Variants in OGFOD1 observed in about 807,000 individuals in gnomAD.
OGFOD1 encodes 2-oxoglutarate and iron dependent oxygenase domain containing 1, also known as prolyl 3-hydroxylase OGFOD1.
A neutral mutation model predicts 67.7 loss-of-function variants in OGFOD1; 54 were observed. That is an observed-to-expected ratio of 0.80 (90% CI 0.64 to 1.00). The LOEUF is 1.00. OGFOD1 is among the 50% of genes least tolerant of loss of function. The pLI, the probability that OGFOD1 is intolerant of heterozygous loss-of-function variation, is 0.00. For synonymous variants in OGFOD1, 221 were observed against 227.0 expected (o/e 0.97, Z 0.24); for missense variants, 606 against 646.7 (o/e 0.94, Z 0.68).
intron 4 of OGFOD1, 160 bp from the exon 5 acceptor site, chr16:56,465,992 T>C: frequency 3.5e-6 from 2 of 568,708 alleles, no homozygotes; most frequent in East Asian, 5.8e-5. Context: ...TTTGTTTACT[T>C]ATAAAAGAGG....
rs565857294 is a variant in OGFOD1 at position 56,471,199 on chromosome 16, A to C, written c.1285+408A>C. ...AAACCCCGTCTCTACTAAAAATACA[A>C]AAAAAAAAAAAAATTTGCCAGGCAT... On this transcript the variant is annotated intron_variant, in intron 10 of 12. Transcript: ENST00000566157. 1.5e-3 allele frequency among the ~76,000 whole-genome samples: 219 copies of C among 147,006 alleles called. 1 individual carries two copies. Among genetic ancestry groups the C allele is most frequent in the African/African-American group, 4.8e-3 (194 of 40,476 alleles).
At chr16:56,456,580 C>G (rs1194794452) in intron 2 of OGFOD1, among the ~76,000 whole-genome samples, 2 of 152,228 alleles carry the variant, frequency 1.3e-5, no homozygotes, top group Non-Finnish European at 2.9e-5. Flanking sequence ...ACTCTGCTAT[C>G]TCTACCTTCA....
At position 56,467,958 on chromosome 16, in the gene OGFOD1, A is replaced by G; in HGVS notation, c.840A>G (p.Gln280=). Residue 280 remains glutamine (Q), a synonymous_variant, in exon 8 of 13, where the codon CAA becomes CAG. Transcript: ENST00000566157. ...INPTYLDMDY[Q]VQIQEEFEES... ...CTACTTATCTGGACATGGATTACCA[A>G]GTTCAAATTCAAGAAGAGTTTGAAG... is the stretch of plus-strand genomic sequence containing the variant. 6.2e-7 allele frequency: 1 copy of G among 1,610,180 alleles called. No homozygotes were observed. The highest frequency in any genetic ancestry group is 8.5e-7 in the Non-Finnish European group (1 of 1,176,426).
chr16:56,475,440 A>AG, intron 11 of OGFOD1, 67 bp from the exon 12 acceptor site: 1 of 1,422,802 alleles, frequency 7.0e-7, no homozygotes, highest in Middle Eastern at 1.8e-4. Context: ...GGGATCAGTG[A>AG]TTTAAGTAGA....
chr16:56,463,384 GTTTTTTTTTTTTTT>G (rs56388148), intron 4 of OGFOD1, among the ~76,000 whole-genome samples: 4 of 43,806 alleles, frequency 9.1e-5, no homozygotes, highest in African/African-American at 2.0e-4. Context: ...TCTTTTTTGG[GTTTTTTTTTTTTTT>G]TTTTTTTTTT....
At chr16:56,453,236 C>A in intron 1 of OGFOD1, 27 bp from the exon 2 acceptor site, 2 of 1,595,224 alleles carry the variant, frequency 1.3e-6, no homozygotes, top group Admixed American at 1.8e-5. Flanking sequence ...AGGAAAAAAG[C>A]CATAGATAAT....
At chr16:56,464,978 ATACATT>A (rs1962846484) in intron 4 of OGFOD1, among the ~76,000 whole-genome samples, 1 of 151,878 alleles carries the variant, frequency 6.6e-6, no homozygotes, top group African/African-American at 2.4e-5. Flanking sequence ...ATGCACACAC[ATACATT>A]TACATTTGGA....
intron 4 of OGFOD1, among the ~76,000 whole-genome samples, chr16:56,464,306 A>G (rs1458195795): frequency 6.6e-6 from 1 of 152,202 alleles, no homozygotes; most frequent in African/African-American, 2.4e-5. Context: ...GGATCACTTG[A>G]TTAATGTGGT....
At chr16:56,468,138 T>A (rs760205905) in intron 8 of OGFOD1, 120 bp downstream of exon 8, 5 of 617,316 alleles carry the variant, frequency 8.1e-6, no homozygotes, top group African/African-American at 1.8e-5. Context: ...GTTTTTGTCA[T>A]TCCCTTCTTC....
intron 4 of OGFOD1, 127 bp from the exon 5 acceptor site, chr16:56,466,025 C>A: frequency 1.5e-6 from 1 of 652,660 alleles, no homozygotes. Flanking sequence ...CATTTTAAAG[C>A]TGGAGGACAT....
intron 4 of OGFOD1, among the ~76,000 whole-genome samples, chr16:56,463,185 A>G (rs1045612381): frequency 5.3e-5 from 8 of 151,950 alleles, no homozygotes; most frequent in African/African-American, 1.9e-4. Context: ...GTTTTTTTGG[A>G]TACAAGCTTG....
chr16:56,466,502 T>C (rs1447948022), intron 5 of OGFOD1, among the ~76,000 whole-genome samples: 1 of 152,154 alleles, frequency 6.6e-6, no homozygotes, highest in Non-Finnish European at 1.5e-5. Flanking sequence ...AGATGAGAAA[T>C]AGTCAGACCA....
intron 2 of OGFOD1, among the ~76,000 whole-genome samples, chr16:56,454,604 A>C (rs1285157249): frequency 6.6e-6 from 1 of 151,232 alleles, no homozygotes; most frequent in African/African-American, 2.4e-5. Flanking sequence ...CTTTCAGTAC[A>C]TGAATCCTTT....
At chr16:56,471,365 G>GAAAAAAAAA (rs755598469) in intron 10 of OGFOD1, among the ~76,000 whole-genome samples, 2 of 92,568 alleles carry the variant, frequency 2.2e-5, no homozygotes, top group South Asian at 3.3e-4. Context: ...ACATCTCAAA[G>GAAAAAAAAA]AAAAAAAAAA....
intron 5 of OGFOD1, 105 bp from the exon 6 acceptor site, chr16:56,466,771 G>T: frequency 1.2e-6 from 1 of 800,218 alleles, no homozygotes; most frequent in Non-Finnish European, 2.1e-6. Context: ...AGGGTCTGAA[G>T]GGCACATCTA....
chr16:56,469,135 A>G (rs1478091299), intron 8 of OGFOD1, among the ~76,000 whole-genome samples: 1 of 152,226 alleles, frequency 6.6e-6, no homozygotes, highest in Non-Finnish European at 1.5e-5. Context: ...ATGCATTTAT[A>G]ACTGATAGGA....
At chr16:56,463,384 G>GTTTTTTTTTTTTT (rs56388148) in intron 4 of OGFOD1, among the ~76,000 whole-genome samples, 16 of 43,808 alleles carry the variant, frequency 3.7e-4, no homozygotes, top group East Asian at 7.8e-4. Flanking sequence ...TCTTTTTTGG[G>GTTTTTTTTTTTTT]TTTTTTTTTT....
In OGFOD1 at chr16:56,451,642, C is replaced by G. The variant is rs11076155; in HGVS notation, c.30C>G (p.Gly10=). 118,945 of 1,613,784 alleles carry G rather than the reference C, an allele frequency of 0.074. 4,752 individuals carry two copies. Among genetic ancestry groups the G allele is most frequent in the Non-Finnish European group, 0.08 (94,017 of 1,179,964 alleles). ...ATGGGAAGCGGCCAGCGGAGCCCGG[C>G]CCAGCCCGGGTGGGAAAAAAGGGAA... is the stretch of plus-strand genomic sequence containing the variant. MNGKRPAEP[G]PARVGKKGKK... Residue 10 remains glycine (G), a synonymous_variant, in exon 1 of 13, where the codon GGC becomes GGG. Coordinates refer to ENST00000566157, the MANE Select transcript of OGFOD1 (RefSeq NM_018233.4).
rs1230068586 is a variant in OGFOD1, at chr16:56,470,237, T to C, written c.980+155T>C. 5.9e-5 allele frequency among the ~76,000 whole-genome samples: 9 copies of C among 152,120 alleles called. No homozygotes were observed. The South Asian group carries it at 8.3e-4, about 14-fold the overall frequency. On this transcript the variant is annotated intron_variant, in intron 9 of 12. Transcript: ENST00000566157. ...ATCAAATAACCAACAGGAAAAAATA[T>C]ACAATCATGCACCAAGGCTCACACC...
Sources: allele counts gnomAD v4.1 joint callset (sites outside exome capture counted in the v4.1 genomes callset), GRCh38; gene constraint gnomAD v4.1.1; transcripts MANE v1.5; gene names NCBI Gene and HGNC (gene_info 2026-07-23, HGNC 2026-07-21).